Variants in INSC observed in about 807,000 individuals in gnomAD.
The protein encoded by INSC is protein inscuteable homolog.
Under a neutral mutation model 58.6 loss-of-function variants are expected in INSC, and 67 were observed. That is an observed-to-expected ratio of 1.14 (90% CI 0.94 to 1.40). The LOEUF (loss-of-function observed/expected upper bound fraction) is 1.40, where lower values mean the gene tolerates loss of function less well. Ranked by LOEUF, INSC falls within the 40% of genes most tolerant of loss-of-function variation. The pLI, the probability that INSC is intolerant of heterozygous loss-of-function variation, is 0.00. For missense variants in INSC, 714 were observed against 692.0 expected, an observed-to-expected ratio of 1.03 and a Z score of -0.36; for synonymous variants, 262 against 276.1, an observed-to-expected ratio of 0.95 and a Z score of 0.51.
At chr11:15,143,707 G>A (rs1208633427) in intron 1 of INSC, among the ~76,000 whole-genome samples, 1 of 152,160 alleles carries the variant, frequency 6.6e-6, no homozygotes, top group Non-Finnish European at 1.5e-5. Flanking sequence ...GGAAGCCCTT[G>A]CAGAGGTCCA....
chr11:15,256,643 C>T, the INSC span, among the ~76,000 whole-genome samples: 1 of 152,106 alleles, frequency 6.6e-6, no homozygotes, highest in South Asian at 2.1e-4. Flanking sequence ...GTGCCCACCA[C>T]CACGCCCAGC....
chr11:15,136,007 G>A (rs991736989), intron 1 of INSC, among the ~76,000 whole-genome samples: 18 of 152,066 alleles, frequency 1.2e-4, no homozygotes, highest in African/African-American at 4.1e-4. Flanking sequence ...CTTATGTAAG[G>A]CCTTTTTCTA....
intron 5 of INSC, among the ~76,000 whole-genome samples, chr11:15,181,241 G>A (rs1468050701): frequency 6.6e-6 from 1 of 152,144 alleles, no homozygotes; most frequent in African/African-American, 2.4e-5. Flanking sequence ...ACAGTATCTG[G>A]CATAGAATGT....
At chr11:15,162,326 C>T (rs1326549185) in intron 2 of INSC, among the ~76,000 whole-genome samples, 2 of 152,186 alleles carry the variant, frequency 1.3e-5, no homozygotes, top group African/African-American at 4.8e-5. Context: ...AAGCAGGCAT[C>T]TCCCTCTCAA....
At chr11:15,191,502 G>A (rs570509414) in intron 6 of INSC, among the ~76,000 whole-genome samples, 1 of 152,280 alleles carries the variant, frequency 6.6e-6, no homozygotes, top group South Asian at 2.1e-4. Context: ...CATCTGGCAT[G>A]TGGCATTTTG....
At chr11:15,234,818 GT>G (rs928749475) in intron 9 of INSC, among the ~76,000 whole-genome samples, 1 of 152,062 alleles carries the variant, frequency 6.6e-6, no homozygotes, top group Non-Finnish European at 1.5e-5. Flanking sequence ...GCAGTTTGGG[GT>G]CCCTGGAATG....
At chr11:15,126,626 C>A (rs894031544) in intron 1 of INSC, among the ~76,000 whole-genome samples, 4 of 152,166 alleles carry the variant, frequency 2.6e-5, no homozygotes, top group African/African-American at 9.7e-5. Context: ...ACACTTGTTT[C>A]AGAGAAAGGT....
At chr11:15,170,080 AT>A (rs1012386751) in intron 2 of INSC, among the ~76,000 whole-genome samples, 3 of 152,298 alleles carry the variant, frequency 2.0e-5, no homozygotes, top group African/African-American at 7.2e-5. Flanking sequence ...TCATCTCTAG[AT>A]TACTTATAAT....
chr11:15,235,473 A>C (rs750805249), intron 9 of INSC, 129 bp from the exon 10 acceptor site: 2 of 753,324 alleles, frequency 2.7e-6, no homozygotes, highest in Non-Finnish European at 4.9e-6. Context: ...GTGGAAGGAT[A>C]GGCCCGGTGG....
In INSC at chr11:15,179,313, G is replaced by GT. The variant is rs573987862; in HGVS notation, c.579+870dup. Among the ~76,000 whole-genome samples, 52 of 152,218 alleles carry GT rather than the reference G, an allele frequency of 3.4e-4. 1 individual carries two copies. The South Asian group carries it at 0.011, about 31-fold the overall frequency. On this transcript the variant is annotated intron_variant, in intron 5 of 12. Coordinates refer to ENST00000379556, the MANE Select transcript of INSC (RefSeq NM_001042536.3). ...CTCCCAGTAAAGCAGATTCCATAAG[G>GT]TTTTCATTATGAAAGGTATTTATGG...
At chr11:15,222,546 G>A (rs1851484225) in intron 8 of INSC, among the ~76,000 whole-genome samples, 2 of 152,074 alleles carry the variant, frequency 1.3e-5, no homozygotes, top group South Asian at 4.1e-4. Context: ...CATTCAAGTG[G>A]TTATGTGCAG....
At chr11:15,261,431 G>A in the INSC span, among the ~76,000 whole-genome samples, 1 of 152,098 alleles carries the variant, frequency 6.6e-6, no homozygotes, top group African/African-American at 2.4e-5. Flanking sequence ...AAAGTATAAA[G>A]TAACACAATA....
chr11:15,262,683 CACACAA>C, the INSC span, among the ~76,000 whole-genome samples: 187 of 151,666 alleles, frequency 1.2e-3, 1 homozygote, highest in African/African-American at 4.0e-3. Flanking sequence ...CACACACACA[CACACAA>C]ACAGTATCTC....
At chr11:15,257,955 G>C in the INSC span, among the ~76,000 whole-genome samples, 16 of 152,146 alleles carry the variant, frequency 1.1e-4, no homozygotes, top group Admixed American at 9.2e-4. Flanking sequence ...ACATGGGAAA[G>C]ATACACATGA....
In INSC at chr11:15,238,803, C is replaced by T. The variant is rs987487104; in HGVS notation, c.1238-116C>T. Reference sequence around the variant, plus strand: ...TCCAGCTTCCTCCCTGTGGGTGAGACCCCTGAAGTCATCCTGACAGCCTTT... The same window carrying T: ...TCCAGCTTCCTCCCTGTGGGTGAGATCCCTGAAGTCATCCTGACAGCCTTT... On this transcript the variant is annotated intron_variant, in intron 10 of 12. Coordinates refer to ENST00000379556, the MANE Select transcript of INSC (RefSeq NM_001042536.3). The T allele has an allele frequency of 4.9e-6, 5 of 1,025,296 alleles. No individual in the cohort carries two copies. In the African/African-American group the frequency reaches 6.4e-5, roughly 13 times the overall value. 63.5% of individuals were successfully genotyped at this position (1,025,296 alleles called of 1,614,324 possible).
chr11:15,179,568 C>T (rs1849689162), intron 5 of INSC, among the ~76,000 whole-genome samples: 1 of 152,204 alleles, frequency 6.6e-6, no homozygotes, highest in Admixed American at 6.5e-5. Context: ...CCACTCCTCC[C>T]ACAGGCCCCC....
chr11:15,229,968 A>ATATAATATTATATATATAATAT (rs1851810858), intron 9 of INSC, among the ~76,000 whole-genome samples: 7 of 14,666 alleles, frequency 4.8e-4, no homozygotes, highest in African/African-American at 6.1e-4. Flanking sequence ...ATTTATATAT[A>ATATAATATTATATATATAATAT]TATATATATA....
intron 2 of INSC, among the ~76,000 whole-genome samples, chr11:15,158,095 G>T (rs1848880741): frequency 6.6e-6 from 1 of 151,946 alleles, no homozygotes; most frequent in South Asian, 2.1e-4. Context: ...CCTTAGTTCA[G>T]GCTTCTGTCT....
chr11:15,168,867 T>C (rs1278007273), intron 2 of INSC, among the ~76,000 whole-genome samples: 1 of 152,180 alleles, frequency 6.6e-6, no homozygotes, highest in Non-Finnish European at 1.5e-5. Context: ...GTTGACCTTA[T>C]GAAAATGTAT....
Sources: gnomAD v4.1 joint callset for allele counts (sites outside exome capture counted in the v4.1 genomes callset) on GRCh38, gnomAD v4.1.1 for gene constraint, MANE v1.5 for transcripts, NCBI Gene and HGNC (gene_info 2026-07-23, HGNC 2026-07-21) for gene names.